DOCK8: variants seen among roughly 807,000 people sequenced by gnomAD.
The protein encoded by DOCK8 is dedicator of cytokinesis protein 8.
Under a neutral mutation model 245.6 loss-of-function variants are expected in DOCK8, and 141 were observed. The ratio of observed to expected loss-of-function variants is 0.57; its 90% CI spans 0.50 to 0.66. DOCK8 has a LOEUF of 0.66. DOCK8 is among the 30% of genes least tolerant of loss of function. The probability of loss-of-function intolerance (pLI) is 0.00; values close to 1 mark genes in which losing one functional copy is unlikely to be tolerated. For synonymous variants in DOCK8, 1,168 were observed against 970.2 expected, an observed-to-expected ratio of 1.20 and a Z score of -3.79; for missense variants, 2,965 against 2,603.4, an observed-to-expected ratio of 1.14 and a Z score of -3.02.
chr9:454,107 G>T (rs776155956), intron 46 of DOCK8, among the ~76,000 whole-genome samples: 1 of 152,202 alleles, frequency 6.6e-6, no homozygotes, highest in Non-Finnish European at 1.5e-5. Flanking sequence ...TCAGGCTGGA[G>T]CATTTGTGGG....
intron 14 of DOCK8, among the ~76,000 whole-genome samples, chr9:359,818 A>G (rs2052633900): frequency 6.6e-6 from 1 of 151,300 alleles, no homozygotes; most frequent in Admixed American, 6.6e-5. Context: ...AAAAAAAAAA[A>G]AAAAAATTAC....
At chr9:233,227 T>G (rs1159739209) in intron 1 of DOCK8, among the ~76,000 whole-genome samples, 3 of 152,154 alleles carry the variant, frequency 2.0e-5, no homozygotes, top group African/African-American at 7.2e-5. Context: ...TTCTTAATCC[T>G]GAGTTCTAGT....
At chr9:434,570 C>G (rs990509451) in intron 38 of DOCK8, among the ~76,000 whole-genome samples, 1 of 152,038 alleles carries the variant, frequency 6.6e-6, no homozygotes, top group African/African-American at 2.4e-5. Context: ...AGTACTATTT[C>G]TTGGAGGTCA....
At chr9:440,700 A>G (rs117915643) in intron 40 of DOCK8, among the ~76,000 whole-genome samples, 3,985 of 152,262 alleles carry the variant, frequency 0.026, 65 homozygotes, top group Non-Finnish European at 0.039. Context: ...AGTCCCTGCT[A>G]CCAAACTTCT....
chr9:398,595 G>A (rs562674177), intron 25 of DOCK8, among the ~76,000 whole-genome samples: 4 of 152,206 alleles, frequency 2.6e-5, no homozygotes, highest in African/African-American at 9.6e-5. Context: ...GATTCATGGA[G>A]GAATTTACCC....
At chr9:308,482 A>C (rs191285808) in intron 5 of DOCK8, among the ~76,000 whole-genome samples, 2 of 152,220 alleles carry the variant, frequency 1.3e-5, no homozygotes, top group Non-Finnish European at 2.9e-5. Flanking sequence ...GCACCTTCTT[A>C]TTGAGTAGAA....
chr9:238,778 A>G (rs2047318348), intron 1 of DOCK8, among the ~76,000 whole-genome samples: 1 of 152,252 alleles, frequency 6.6e-6, no homozygotes, highest in South Asian at 2.1e-4. Flanking sequence ...ATTGAAATAA[A>G]TGTGAGCTAT....
chr9:261,705 T>C (rs631331), intron 1 of DOCK8, among the ~76,000 whole-genome samples: 79,716 of 151,582 alleles, frequency 0.53, 21,242 homozygotes, highest in East Asian at 0.79. Flanking sequence ...GAAACTTTTA[T>C]TGTAGTTGTG....
At position 449,805 on chromosome 9, in the gene DOCK8, G is replaced by T. The variant is rs1392842929; in HGVS notation, c.5839G>T (p.Val1947Phe). 6.2e-7 allele frequency: 1 copy of T among 1,613,080 alleles called. No individual in the cohort carries two copies. The highest frequency in any genetic ancestry group is 1.1e-5 in the South Asian group (1 of 91,030). ...KEEFVLTPIE[V>F]AIEDMKKKTL... ...TCAGTTTGTTTTGACACCGATTGAA[G>T]TTGCCATTGAAGACATGAAGAAGAA... Residue 1947 changes from valine to phenylalanine, a missense_variant, in exon 45 of 48, where the codon GTT becomes TTT. Around this residue, in one of 3 missense-constraint regions of DOCK8, gnomAD observed 2,825 missense variants for 2,453.5 expected, o/e 1.15. Transcript: ENST00000432829.
chr9:241,294 A>G (rs559710480), intron 1 of DOCK8, among the ~76,000 whole-genome samples: 1 of 152,222 alleles, frequency 6.6e-6, no homozygotes, highest in South Asian at 2.1e-4. Flanking sequence ...TAACTACCTC[A>G]TCCCACAGTA....
chr9:405,243 T>A, intron 27 of DOCK8, 170 bp downstream of exon 27: 1 of 707,866 alleles, frequency 1.4e-6, no homozygotes, highest in Non-Finnish European at 2.3e-6. Context: ...AGCTAAGAAT[T>A]AACAATCTAA....
intron 1 of DOCK8, among the ~76,000 whole-genome samples, chr9:222,563 T>C (rs1352505586): frequency 6.6e-6 from 1 of 152,196 alleles, no homozygotes; most frequent in Non-Finnish European, 1.5e-5. Context: ...TTTGCCAGTG[T>C]TGACCTCTTC....
At chr9:350,887 C>T (rs1419052927) in intron 14 of DOCK8, among the ~76,000 whole-genome samples, 1 of 152,150 alleles carries the variant, frequency 6.6e-6, no homozygotes, top group African/African-American at 2.4e-5. Flanking sequence ...CTGTGGACCC[C>T]CGTCCTGTTT....
intron 14 of DOCK8, among the ~76,000 whole-genome samples, chr9:363,259 T>A (rs571787104): frequency 1.3e-5 from 2 of 152,356 alleles, no homozygotes; most frequent in South Asian, 4.1e-4. Context: ...CACTGGACCT[T>A]CAGTTACCTA....
In DOCK8 at chr9:336,654, A is replaced by C; in HGVS notation, c.1358A>C (p.Glu453Ala). The C allele has an allele frequency of 6.2e-7, 1 of 1,614,132 alleles. No individual in the cohort carries two copies. The highest frequency in any genetic ancestry group is 8.5e-7 in the Non-Finnish European group (1 of 1,180,018). Residue 453 changes from glutamate to alanine, a missense_variant, in exon 12 of 48, where the codon GAG becomes GCG. By Grantham distance (107) the Glu-to-Ala change is moderately radical (BLOSUM62 -1). Around this residue, in one of 3 missense-constraint regions of DOCK8, gnomAD observed 2,825 missense variants for 2,453.5 expected, o/e 1.15. Coordinates refer to ENST00000432829, the MANE Select transcript of DOCK8 (RefSeq NM_203447.4). ...CTTTCTGAAAGAGCCCTCTCCTTGG[A>C]GGAAAATGGGGTTGGATCCAACTTC... ...RRLSERALSL[E>A]ENGVGSNFKT...
intron 30 of DOCK8, chr9:420,018 G>A (rs571615548): frequency 1.9e-5 from 6 of 313,382 alleles, no homozygotes; most frequent in African/African-American, 6.4e-5. Flanking sequence ...TGCCCAGCAC[G>A]AAGGAGAAAT....
intron 44 of DOCK8, among the ~76,000 whole-genome samples, chr9:447,009 C>T (rs1211342251): frequency 6.6e-6 from 1 of 151,914 alleles, no homozygotes; most frequent in Non-Finnish European, 1.5e-5. Flanking sequence ...GGAGACGGGA[C>T]CTGCACGTGG....
rs925110994 is a variant in DOCK8 at position 238,994 on chromosome 9, G to A, written c.53+23965G>A. ...TTAGACACACCGATTCACCTACTCT[G>A]TGCATGTTTGGGATGTCAAGGAAAC... On this transcript the variant is annotated intron_variant, in intron 1 of 47. Coordinates refer to ENST00000432829, the MANE Select transcript of DOCK8 (RefSeq NM_203447.4). 3.9e-5 allele frequency among the ~76,000 whole-genome samples: 6 copies of A among 152,130 alleles called. 1 individual carries two copies. Among genetic ancestry groups the A allele is most frequent in the African/African-American group, 1.4e-4 (6 of 41,418 alleles).
intron 2 of DOCK8, among the ~76,000 whole-genome samples, chr9:282,302 C>G (rs1036970584): frequency 6.6e-6 from 1 of 152,036 alleles, no homozygotes; most frequent in Non-Finnish European, 1.5e-5. Context: ...CCATCATTTT[C>G]TCCCTGGATA....
Sources: gnomAD v4.1 joint callset for allele counts (sites outside exome capture counted in the v4.1 genomes callset) on GRCh38, gnomAD v4.1.1 for gene constraint, gnomAD v4.1.1 regional missense constraint, MANE v1.5 for transcripts, NCBI Gene and HGNC (gene_info 2026-07-23, HGNC 2026-07-21) for gene names.